ATG14: variants seen among roughly 807,000 people sequenced by gnomAD.
The protein encoded by ATG14 is autophagy related 14, also known as beclin 1-associated autophagy-related key regulator.
Under a neutral mutation model 60.4 loss-of-function variants are expected in ATG14, and 35 were observed. The ratio of observed to expected loss-of-function variants is 0.58; its 90% confidence interval spans 0.44 to 0.77. ATG14 has a LOEUF of 0.77. Among genes scored for constraint, ATG14 ranks in the 30% least tolerant of loss-of-function variants. The pLI is 0.00. For synonymous variants in ATG14, 234 were observed against 228.8 expected, an observed-to-expected ratio of 1.02 and a Z score of -0.21; for missense variants, 647 against 626.3, an observed-to-expected ratio of 1.03 and a Z score of -0.35.
At chr14:55,386,866 T>TTAGAC (rs1412932251) in intron 4 of ATG14, among the ~76,000 whole-genome samples, 1 of 152,208 alleles carries the variant, frequency 6.6e-6, no homozygotes, top group Non-Finnish European at 1.5e-5. Context: ...GACAGATATC[T>TTAGAC]AGGAGTTGCT....
rs1884752505 is a variant in ATG14 at position 55,369,160 on chromosome 14, T to TA, written c.*458_*459insT. 6.5e-6 allele frequency: 1 copy of TA among 153,086 alleles called. No homozygotes were observed. The highest frequency in any genetic ancestry group is 2.4e-5 in the African/African-American group (1 of 41,492). The allele number at this position is 153,086 out of a possible 1,614,324, so 9.5% of individuals were successfully genotyped here. On this transcript the variant is annotated 3_prime_UTR_variant, in exon 10 of 10. Coordinates refer to ENST00000247178, the MANE Select transcript of ATG14 (RefSeq NM_014924.5). ...AAAAACAATGGCAGAAAAACTCTTA[T>TA]TAAAGAGCTTTTATCTTTCATGTCC...
intron 9 of ATG14, among the ~76,000 whole-genome samples, chr14:55,370,389 A>T (rs1167274108): frequency 1.4e-5 from 2 of 141,354 alleles, no homozygotes; most frequent in Non-Finnish European, 3.2e-5. Flanking sequence ...GTTCCTGTAC[A>T]TATTTAAAAA....
chr14:55,388,700 C>T (rs917376520), intron 4 of ATG14, among the ~76,000 whole-genome samples: 13 of 152,174 alleles, frequency 8.5e-5, no homozygotes, highest in Non-Finnish European at 1.5e-4. Context: ...CAACAACAAG[C>T]TCTTAAGCAT....
chr14:55,405,506 A>G (rs999961378), intron 1 of ATG14, among the ~76,000 whole-genome samples: 13 of 152,176 alleles, frequency 8.5e-5, no homozygotes, highest in Admixed American at 7.2e-4. Context: ...TTTTTAATCC[A>G]CATGTGAAAA....
Position 55,385,886 on chromosome 14 carries a change from G to A in ATG14, c.620C>T (p.Pro207Leu), listed in dbSNP as rs1885117096. 1 of 1,612,306 alleles carries A rather than the reference G, an allele frequency of 6.2e-7. No individual in the cohort carries two copies. The highest frequency in any genetic ancestry group is 1.1e-5 in the South Asian group (1 of 90,848). Residue 207 changes from proline to leucine, a missense_variant, in exon 5 of 10, where the codon CCA (proline) becomes CTA (leucine). Pro to Leu is a moderately conservative substitution (Grantham distance 98). Transcript: ENST00000247178. The part of the protein sequence containing the change: ...HILELTSVIF[P>L]IEEVKTGVRD... ...CACACCCGTCTTTACTTCCTCGATTGGAAAAATGACAGAGGTGAGCTCTAA... is the reference window on the plus strand; with the variant it reads ...CACACCCGTCTTTACTTCCTCGATTAGAAAAATGACAGAGGTGAGCTCTAA...
chr14:55,396,117 A>C, intron 2 of ATG14, 135 bp from the exon 3 acceptor site: 2 of 595,626 alleles, frequency 3.4e-6, no homozygotes, highest in Non-Finnish European at 5.4e-6. Context: ...TAGCATTTAA[A>C]GTGTTTTCCA....
intron 6 of ATG14, 75 bp downstream of exon 6, chr14:55,381,887 C>G: frequency 7.8e-7 from 1 of 1,282,788 alleles, no homozygotes. Flanking sequence ...CACTTGAAAG[C>G]TCTTCATTTT....
At chr14:55,395,885 C>A in intron 3 of ATG14, 55 bp downstream of exon 3, 1 of 1,291,324 alleles carries the variant, frequency 7.7e-7, no homozygotes, top group South Asian at 1.7e-5. Flanking sequence ...TTTATAAGCT[C>A]TACCAACTTA....
chr14:55,389,283 A>AT (rs1885175446), intron 4 of ATG14, among the ~76,000 whole-genome samples: 1 of 152,236 alleles, frequency 6.6e-6, no homozygotes, highest in Admixed American at 6.5e-5. Context: ...AAAGCCCTGA[A>AT]TATCATGGTA....
chr14:55,404,861 T>C (rs1051045351), intron 1 of ATG14, among the ~76,000 whole-genome samples: 1 of 152,180 alleles, frequency 6.6e-6, no homozygotes, highest in Admixed American at 6.5e-5. Context: ...CAGGAGTAAG[T>C]CAGCCACAAC....
At chr14:55,403,509 A>T (rs1003430998) in intron 1 of ATG14, among the ~76,000 whole-genome samples, 5 of 152,238 alleles carry the variant, frequency 3.3e-5, no homozygotes, top group African/African-American at 1.2e-4. Flanking sequence ...AATAGTAAAT[A>T]AACAGAAAAA....
chr14:55,380,700 G>T lies in ATG14; in HGVS notation c.878-10C>A, dbSNP rs1885013574. 1 of 1,559,224 alleles carries T rather than the reference G, an allele frequency of 6.4e-7. No homozygotes were observed. The highest frequency in any genetic ancestry group is 8.8e-7 in the Non-Finnish European group (1 of 1,142,670). ...TTACTCTGCTCCATGTCTGCAGTAA[G>T]AAAACAACCACCATGTACAAAACCT... On this transcript the variant is annotated splice_polypyrimidine_tract_variant and intron_variant, in intron 6 of 9. Coordinates refer to ENST00000247178, the MANE Select transcript of ATG14 (RefSeq NM_014924.5).
intron 9 of ATG14, among the ~76,000 whole-genome samples, chr14:55,371,685 T>C (rs1177544414): frequency 6.6e-6 from 1 of 152,040 alleles, no homozygotes; most frequent in Non-Finnish European, 1.5e-5. Context: ...GCACCTGTAG[T>C]CCCGGCTACT....
chr14:55,371,529 G>A (rs1046609730), intron 9 of ATG14, among the ~76,000 whole-genome samples: 4 of 151,392 alleles, frequency 2.6e-5, no homozygotes, highest in Admixed American at 6.6e-5. Context: ...CCCTCAGGCC[G>A]GGCGCGGTGG....
At chr14:55,370,774 G>A (rs1884797791) in intron 9 of ATG14, among the ~76,000 whole-genome samples, 1 of 151,716 alleles carries the variant, frequency 6.6e-6, no homozygotes, top group African/African-American at 2.4e-5. Context: ...CTGAGTAGCT[G>A]GGATTACAGG....
At chr14:55,402,929 ATATATATATATATATATAT>A (rs1885428795) in intron 1 of ATG14, among the ~76,000 whole-genome samples, 3 of 16,374 alleles carry the variant, frequency 1.8e-4, no homozygotes, top group African/African-American at 6.8e-4. Context: ...AAAAAAAAAT[ATATATATATATATATATAT>A]ATATATATAT....
intron 6 of ATG14, among the ~76,000 whole-genome samples, chr14:55,381,457 C>A (rs980073729): frequency 2.0e-5 from 3 of 152,054 alleles, no homozygotes; most frequent in African/African-American, 7.2e-5. Context: ...ATAAACAAGA[C>A]AATATTAACC....
At chr14:55,390,650 C>T (rs1303104189) in intron 4 of ATG14, among the ~76,000 whole-genome samples, 2 of 152,184 alleles carry the variant, frequency 1.3e-5, no homozygotes, top group Non-Finnish European at 2.9e-5. Flanking sequence ...GGATTACAGG[C>T]GTGAGCTACC....
At chr14:55,375,592 C>T (rs903440995) in intron 9 of ATG14, among the ~76,000 whole-genome samples, 3 of 150,324 alleles carry the variant, frequency 2.0e-5, no homozygotes, top group African/African-American at 2.4e-5. Flanking sequence ...GATCCTCCCA[C>T]TTCAGCCTCC....
Sources: gnomAD v4.1 joint callset for allele counts (sites outside exome capture counted in the v4.1 genomes callset) on GRCh38, gnomAD v4.1.1 for gene constraint, MANE v1.5 for transcripts, NCBI Gene and HGNC (gene_info 2026-07-23, HGNC 2026-07-21) for gene names.